RPS6KA2: variants seen among roughly 807,000 people sequenced by gnomAD.
RPS6KA2 encodes the protein ribosomal protein S6 kinase A2, also known as ribosomal protein S6 kinase alpha-2.
RPS6KA2 carries 42 observed loss-of-function variants against 91.8 expected under a neutral mutation model. That is an observed-to-expected ratio of 0.46 (90% confidence interval 0.36 to 0.59). RPS6KA2 has a LOEUF of 0.59. Ranked by LOEUF, RPS6KA2 falls within the 20% of genes least tolerant of loss-of-function variation. RPS6KA2 has a pLI of 0.00. For missense variants in RPS6KA2, 798 were observed against 978.5 expected (o/e 0.82, Z 2.46); for synonymous variants, 414 against 393.6 (o/e 1.05, Z -0.61).
At chr6:166,820,278 C>G (rs935414420) in intron 2 of RPS6KA2, among the ~76,000 whole-genome samples, 4 of 152,198 alleles carry the variant, frequency 2.6e-5, no homozygotes, top group Non-Finnish European at 5.9e-5. Context: ...CCATGTCTGT[C>G]CAACTCCTAA....
intron 2 of RPS6KA2, among the ~76,000 whole-genome samples, chr6:166,684,240 G>A (rs1788933834): frequency 6.6e-6 from 1 of 152,038 alleles, no homozygotes; most frequent in Non-Finnish European, 1.5e-5. Context: ...GTTTACTATT[G>A]CCATGGCAAC....
chr6:166,685,541 A>G (rs1046997373), intron 2 of RPS6KA2, among the ~76,000 whole-genome samples: 1 of 152,190 alleles, frequency 6.6e-6, no homozygotes, highest in Non-Finnish European at 1.5e-5. Flanking sequence ...ATTCATAGCC[A>G]TGCATCTTTG....
Position 166,500,864 on chromosome 6 carries a change from G to T in RPS6KA2, c.604+23C>A. On this transcript the variant is annotated intron_variant, in intron 7 of 20. Transcript: ENST00000265678. This position sits in a 1 kb window ranked among gnomAD's most constrained non-coding sequence, Gnocchi z 4.3. Reference sequence around the variant, plus strand: ...CCAGGGCTGAGATGAAGCCATGGAGGGGGCCTGCCGTCTTTTACAAACCTG... The same window carrying T: ...CCAGGGCTGAGATGAAGCCATGGAGTGGGCCTGCCGTCTTTTACAAACCTG... 6.2e-7 allele frequency: 1 copy of T among 1,611,924 alleles called. No homozygotes were observed. The highest frequency in any genetic ancestry group is 8.5e-7 in the Non-Finnish European group (1 of 1,178,040).
At chr6:166,614,081 T>C (rs1786306206) in intron 1 of RPS6KA2, among the ~76,000 whole-genome samples, 1 of 152,194 alleles carries the variant, frequency 6.6e-6, no homozygotes. Context: ...CCCCACACCC[T>C]CTAGGGGCCA....
At chr6:166,778,415 A>G (rs917490294) in intron 2 of RPS6KA2, among the ~76,000 whole-genome samples, 2 of 152,254 alleles carry the variant, frequency 1.3e-5, no homozygotes, top group African/African-American at 4.8e-5. Context: ...TGGTTGTTTT[A>G]ACTTGAGCTA....
intron 2 of RPS6KA2, among the ~76,000 whole-genome samples, chr6:166,692,215 G>A (rs564358285): frequency 1.3e-5 from 2 of 152,086 alleles, no homozygotes; most frequent in Non-Finnish European, 2.9e-5. Flanking sequence ...GAGTAAAAGG[G>A]ATAAAGTGAG....
chr6:166,778,524 C>T (rs577458788), intron 2 of RPS6KA2, among the ~76,000 whole-genome samples: 6 of 152,278 alleles, frequency 3.9e-5, no homozygotes, highest in South Asian at 2.1e-4. Context: ...TCAGCACTTT[C>T]GGAGGCCGAG....
chr6:166,775,356 C>T (rs563468224), intron 2 of RPS6KA2, among the ~76,000 whole-genome samples: 3 of 151,174 alleles, frequency 2.0e-5, no homozygotes, highest in Non-Finnish European at 4.4e-5. Context: ...CGCAAATTTG[C>T]ACGTCTACCA....
chr6:166,844,868 CAAA>C (rs926780764), intron 2 of RPS6KA2, among the ~76,000 whole-genome samples: 1 of 132,910 alleles, frequency 7.5e-6, no homozygotes, highest in South Asian at 2.5e-4. Context: ...ACAACAACAA[CAAA>C]AAAAACAAAC....
intron 2 of RPS6KA2, among the ~76,000 whole-genome samples, chr6:166,719,872 ATAT>A (rs1790123673): frequency 6.6e-6 from 1 of 152,206 alleles, no homozygotes. Flanking sequence ...AAGAATGTTC[ATAT>A]TATAATTTGC....
chr6:166,713,880 C>T (rs375369144), intron 2 of RPS6KA2, among the ~76,000 whole-genome samples: 3 of 152,134 alleles, frequency 2.0e-5, no homozygotes, highest in Admixed American at 6.5e-5. Flanking sequence ...CTTGTTAGTG[C>T]GCCCCTCATA....
rs957292526 is a variant in RPS6KA2, at chr6:166,770,614, C to G, written c.123+87586G>C. On this transcript the variant is annotated intron_variant, in intron 2 of 21. Transcript: ENST00000503859. This position sits in a 1 kb window ranked among gnomAD's most constrained non-coding sequence, Gnocchi z 5.1. ...GCAAGATGACATCCTCAGTTTAGCACGCAAGGCAGCCCCTGCTGTACAAGG... is the reference window on the plus strand; with the variant it reads ...GCAAGATGACATCCTCAGTTTAGCAGGCAAGGCAGCCCCTGCTGTACAAGG... Among the ~76,000 whole-genome samples the G allele has an allele frequency of 6.6e-6, 1 of 152,214 alleles. No homozygotes were observed. Among genetic ancestry groups the G allele is most frequent in the Non-Finnish European group, 1.5e-5 (1 of 68,042 alleles).
intron 2 of RPS6KA2, among the ~76,000 whole-genome samples, chr6:166,657,085 G>A (rs897382740): frequency 1.3e-5 from 2 of 152,126 alleles, no homozygotes; most frequent in African/African-American, 4.8e-5. Context: ...CACAGAGACG[G>A]TGGGGAGCAG....
chr6:166,526,093 A>T (rs1702955995), intron 3 of RPS6KA2, among the ~76,000 whole-genome samples: 1 of 145,694 alleles, frequency 6.9e-6, no homozygotes, highest in South Asian at 2.3e-4. Context: ...ACTCCGCTGC[A>T]TCATGGTTAG....
At chr6:166,516,413 G>C (rs978721792) in intron 3 of RPS6KA2, among the ~76,000 whole-genome samples, 2 of 152,200 alleles carry the variant, frequency 1.3e-5, no homozygotes, top group African/African-American at 2.4e-5. Context: ...GGCAGGCTCT[G>C]CAGGAAGCCA....
rs2128454020 is a variant in RPS6KA2 at position 166,448,157 on chromosome 6, G to A, written c.1332+567C>T. Reference sequence around the variant, plus strand: ...TTGTTTCTCTATACTGTTCTTGACGGTTGGGAGTAAAACCATTAGCTCTCT... The same window carrying A: ...TTGTTTCTCTATACTGTTCTTGACGATTGGGAGTAAAACCATTAGCTCTCT... On this transcript the variant is annotated intron_variant, in intron 14 of 20. Coordinates refer to ENST00000265678, the MANE Select transcript of RPS6KA2 (RefSeq NM_021135.6). This position sits in a 1 kb window ranked among gnomAD's most constrained non-coding sequence, Gnocchi z 4.7. Among the ~76,000 whole-genome samples, 1 of 152,304 alleles carries A rather than the reference G, an allele frequency of 6.6e-6. No homozygotes were observed. The highest frequency in any genetic ancestry group is 6.5e-5 in the Admixed American group (1 of 15,298).
chr6:166,594,245 A>G (rs543030538), intron 1 of RPS6KA2, among the ~76,000 whole-genome samples: 1 of 152,374 alleles, frequency 6.6e-6, no homozygotes, highest in East Asian at 1.9e-4. Context: ...AAAGAACTGC[A>G]CATATGTATA....
chr6:166,436,486 G>A (rs572934243), intron 14 of RPS6KA2, among the ~76,000 whole-genome samples: 11 of 152,300 alleles, frequency 7.2e-5, no homozygotes, highest in Admixed American at 1.3e-4. Flanking sequence ...AAAGAGCTGC[G>A]CAGGGTCAGT....
At chr6:166,517,340 C>T (rs1034558540) in intron 3 of RPS6KA2, among the ~76,000 whole-genome samples, 4 of 152,034 alleles carry the variant, frequency 2.6e-5, no homozygotes, top group African/African-American at 9.7e-5. Context: ...TGGCCATAAA[C>T]TGGCCCCAAA....
Sources: gnomAD v4.1 joint callset for allele counts (sites outside exome capture counted in the v4.1 genomes callset) on GRCh38, gnomAD v4.1.1 for gene constraint, Gnocchi (gnomAD v3.1) non-coding constraint, MANE v1.5 for transcripts, NCBI Gene and HGNC (gene_info 2026-07-23, HGNC 2026-07-21) for gene names.